Variants in KCNQ1OT1 observed in about 807,000 individuals in gnomAD.
The protein encoded by KCNQ1OT1 is KCNQ1 opposite strand/antisense transcript 1.
chr11:2,628,784 C>T, exon 1 of KCNQ1OT1: 1 of 398,380 alleles, frequency 2.5e-6, no homozygotes, highest in East Asian at 3.6e-5. Flanking sequence ...ATCTTATTCA[C>T]TTTTCTCTAC....
exon 1 of KCNQ1OT1, chr11:2,609,398 T>G (rs1201568041): frequency 2.5e-6 from 1 of 398,370 alleles, no homozygotes; most frequent in Non-Finnish European, 4.4e-6. Flanking sequence ...TTGTATTATT[T>G]CAATCCTTTT....
Position 2,699,302 on chromosome 11 carries a change from G to A in KCNQ1OT1, n.693C>T, listed in dbSNP as rs528636707. 3.8e-4 allele frequency: 151 copies of A among 399,002 alleles called. No homozygotes were observed. Among genetic ancestry groups the A allele is most frequent in the African/African-American group, 2.6e-3 (128 of 48,760 alleles). 24.7% of individuals were successfully genotyped at this position (399,002 alleles called of 1,614,324 possible). A position where few individuals can be genotyped will look rare whatever the true frequency, so the allele number is the denominator to read the frequency against. ...CTGCACTGCTGACGCCTGTGATCTGGGACGGCCGCGGGGCACACAGCTCAC... is the reference window on the plus strand; with the variant it reads ...CTGCACTGCTGACGCCTGTGATCTGAGACGGCCGCGGGGCACACAGCTCAC... On this transcript the variant is annotated non_coding_transcript_exon_variant, in exon 1 of 1. Coordinates refer to ENST00000597346, the Ensembl canonical transcript of KCNQ1OT1.
At chr11:2,686,891 G>A (rs1246607970) in exon 1 of KCNQ1OT1, 7 of 398,582 alleles carry the variant, frequency 1.8e-5, no homozygotes, top group African/African-American at 1.4e-4. Context: ...TGACCAGCCT[G>A]AAGATAGAGG....
chr11:2,698,385 A>G lies in KCNQ1OT1; in HGVS notation n.1610T>C. On this transcript the variant is annotated non_coding_transcript_exon_variant, in exon 1 of 1. Transcript: ENST00000597346. This position sits in a 1 kb window ranked among gnomAD's most constrained non-coding sequence, Gnocchi z 5.1. ...GCTATTTGACCTGCTCAGGGACCAC[A>G]GTGGGGTACTGGGATCTGAACATAG... is the stretch of plus-strand genomic sequence containing the variant. The G allele has an allele frequency of 2.5e-6, 1 of 398,590 alleles. No homozygotes were observed. Among genetic ancestry groups the G allele is most frequent in the Non-Finnish European group, 4.4e-6 (1 of 226,060 alleles). The allele number at this position is 398,590 out of a possible 1,614,324, so 24.7% of individuals were successfully genotyped here.
At chr11:2,635,133 C>T (rs1849439243) in exon 1 of KCNQ1OT1, 1 of 152,160 alleles carries the variant, frequency 6.6e-6, no homozygotes, top group Non-Finnish European at 1.5e-5. Flanking sequence ...CTGTAGGTTG[C>T]CTATTCACTC....
At position 2,658,925 on chromosome 11, in the gene KCNQ1OT1, C is replaced by T. The variant is rs768748938; in HGVS notation, n.41070G>A. The stretch of plus-strand genomic sequence containing the variant: ...AGTACCCTATGTGAAGCAAATTTAC[C>T]TACTAGATTAGAGTGTTTAGGACAG... On this transcript the variant is annotated non_coding_transcript_exon_variant, in exon 1 of 1. Transcript: ENST00000597346. This position sits in a 1 kb window ranked among gnomAD's most constrained non-coding sequence, Gnocchi z 4.9. 2 of 398,474 alleles carry T rather than the reference C, an allele frequency of 5.0e-6. No homozygotes were observed. The highest frequency in any genetic ancestry group is 8.8e-6 in the Non-Finnish European group (2 of 226,026). 24.7% of individuals were successfully genotyped at this position (398,474 alleles called of 1,614,324 possible). A position where few individuals can be genotyped will look rare whatever the true frequency, so the allele number is the denominator to read the frequency against.
chr11:2,667,602 G>T (rs536625418), exon 1 of KCNQ1OT1: 3 of 398,438 alleles, frequency 7.5e-6, no homozygotes, highest in Non-Finnish European at 1.3e-5. Context: ...TGGGCGGGGG[G>T]CACATCCCAT....
At position 2,640,524 on chromosome 11, in the gene KCNQ1OT1, G is replaced by T. The variant is rs184504881; in HGVS notation, n.59471C>A. On this transcript the variant is annotated non_coding_transcript_exon_variant, in exon 1 of 1. Coordinates refer to ENST00000597346, the Ensembl canonical transcript of KCNQ1OT1. Reference sequence around the variant, plus strand: ...TGGTCTTGAATTCCTGGGCTCAAGCGATCCTTCTGCCTTGGCCCCCCAAAG... The same window carrying T: ...TGGTCTTGAATTCCTGGGCTCAAGCTATCCTTCTGCCTTGGCCCCCCAAAG... The T allele has an allele frequency of 2.3e-5, 9 of 397,144 alleles. No individual in the cohort carries two copies. The South Asian group carries it at 3.9e-4, about 17-fold the overall frequency. The allele number at this position is 397,144 out of a possible 1,614,324, so 24.6% of individuals were successfully genotyped here. A position where few individuals can be genotyped will look rare whatever the true frequency, so the allele number is the denominator to read the frequency against.
rs1420847717 is a variant in KCNQ1OT1 at position 2,661,268 on chromosome 11, A to T, written n.38727T>A. The T allele has an allele frequency of 2.5e-6, 1 of 399,114 alleles. No individual in the cohort carries two copies. Among genetic ancestry groups the T allele is most frequent in the Admixed American group, 4.4e-5 (1 of 22,804 alleles). The allele number at this position is 399,114 out of a possible 1,614,324, so 24.7% of individuals were successfully genotyped here. ...GCAATAAAATATTTAAATGAAGACA[A>T]ATATAAGCCAAGAGCAAATACTGAT... On this transcript the variant is annotated non_coding_transcript_exon_variant, in exon 1 of 1. Coordinates refer to ENST00000597346, the Ensembl canonical transcript of KCNQ1OT1. This position sits in a 1 kb window ranked among gnomAD's most constrained non-coding sequence, Gnocchi z 5.9.
Position 2,663,016 on chromosome 11 carries a change from C to T in KCNQ1OT1, n.36979G>A, listed in dbSNP as rs1344593244. On this transcript the variant is annotated non_coding_transcript_exon_variant, in exon 1 of 1. Transcript: ENST00000597346. This position sits in a 1 kb window ranked among gnomAD's most constrained non-coding sequence, Gnocchi z 5.2. ...TGGCCTTGCAAATCACTGAGGAAAT[C>T]GGGACCCATGGTGCTGGGGGCTGCA... 20 of 398,602 alleles carry T rather than the reference C, an allele frequency of 5.0e-5. No homozygotes were observed. The highest frequency in any genetic ancestry group is 2.1e-4 in the East Asian group (6 of 28,076). 24.7% of individuals were successfully genotyped at this position (398,602 alleles called of 1,614,324 possible).
chr11:2,676,714 A>G lies in KCNQ1OT1; in HGVS notation n.23281T>C, dbSNP rs951352555. ...GACTACAGCCTGGCAGGAGATAACC[A>G]AGTCATATGCATAGTGGCTTTGGGT... is the stretch of plus-strand genomic sequence containing the variant. On this transcript the variant is annotated non_coding_transcript_exon_variant, in exon 1 of 1. Coordinates refer to ENST00000597346, the Ensembl canonical transcript of KCNQ1OT1. The surrounding 1 kb of genome is among the most constrained non-coding windows in gnomAD (Gnocchi z 4.2). The G allele has an allele frequency of 5.0e-6, 2 of 398,554 alleles. No individual in the cohort carries two copies. Among genetic ancestry groups the G allele is most frequent in the African/African-American group, 2.1e-5 (1 of 48,622 alleles). The allele number at this position is 398,554 out of a possible 1,614,324, so 24.7% of individuals were successfully genotyped here.
exon 1 of KCNQ1OT1, chr11:2,615,076 G>T: frequency 2.5e-6 from 1 of 398,264 alleles, no homozygotes. Flanking sequence ...TTTGTCAACA[G>T]TGTTTTGTAG....
rs751194925 is a variant in KCNQ1OT1 at position 2,663,158 on chromosome 11, G to GC, written n.36836dup. 3.0e-5 allele frequency: 12 copies of GC among 398,644 alleles called. No individual in the cohort carries two copies. Among genetic ancestry groups the GC allele is most frequent in the South Asian group, 1.3e-4 (1 of 7,856 alleles). 24.7% of individuals were successfully genotyped at this position (398,644 alleles called of 1,614,324 possible). On this transcript the variant is annotated non_coding_transcript_exon_variant, in exon 1 of 1. Transcript: ENST00000597346. This position sits in a 1 kb window ranked among gnomAD's most constrained non-coding sequence, Gnocchi z 5.2. ...CAGGACCTGCCCACTGTCTTTCCAG[G>GC]CCCCCCCAGTTCACAGAGAGGTTGG...
In KCNQ1OT1 at chr11:2,645,960, G is replaced by A. The variant is rs558037745; in HGVS notation, n.54035C>T. 35 of 398,628 alleles carry A rather than the reference G, an allele frequency of 8.8e-5. No homozygotes were observed. The highest frequency in any genetic ancestry group is 6.8e-4 in the African/African-American group (33 of 48,706). 24.7% of individuals were successfully genotyped at this position (398,628 alleles called of 1,614,324 possible). Reference sequence around the variant, plus strand: ...AGTCTCAAGGCATCTATGGGTCAGGGGGTTCTCTGACTAGGATTTCAGGAG... The same window carrying A: ...AGTCTCAAGGCATCTATGGGTCAGGAGGTTCTCTGACTAGGATTTCAGGAG... On this transcript the variant is annotated non_coding_transcript_exon_variant, in exon 1 of 1. Transcript: ENST00000597346. The surrounding 1 kb of genome is among the most constrained non-coding windows in gnomAD (Gnocchi z 5.8).
At position 2,660,092 on chromosome 11, in the gene KCNQ1OT1, G is replaced by A. The variant is rs933931719; in HGVS notation, n.39903C>T. The A allele has an allele frequency of 4.3e-5, 17 of 392,936 alleles. No individual in the cohort carries two copies. In the Admixed American group the frequency reaches 6.7e-4, roughly 15 times the overall value. The allele number at this position is 392,936 out of a possible 1,614,324, so 24.3% of individuals were successfully genotyped here. On this transcript the variant is annotated non_coding_transcript_exon_variant, in exon 1 of 1. Coordinates refer to ENST00000597346, the Ensembl canonical transcript of KCNQ1OT1. ...TTTTCTCTTACGAGTTAAACTTTTG[G>A]TTTCGTATTTCAGAATTCACTGCCA...
chr11:2,624,881 C>G lies in KCNQ1OT1; in HGVS notation n.75114G>C. On this transcript the variant is annotated non_coding_transcript_exon_variant, in exon 1 of 1. Transcript: ENST00000597346. The surrounding 1 kb of genome is among the most constrained non-coding windows in gnomAD (Gnocchi z 4.9). ...GCTGTATTTCATTTAACATAATGGC[C>G]TCGAGGTTCATCCATGTTGTGGCAT... 2 of 398,460 alleles carry G rather than the reference C, an allele frequency of 5.0e-6. No homozygotes were observed. Among genetic ancestry groups the G allele is most frequent in the Non-Finnish European group, 8.8e-6 (2 of 226,062 alleles). 24.7% of individuals were successfully genotyped at this position (398,460 alleles called of 1,614,324 possible).
Position 2,611,893 on chromosome 11 carries a change from G to A in KCNQ1OT1, n.88102C>T, listed in dbSNP as rs187531587. 595 of 398,376 alleles carry A rather than the reference G, an allele frequency of 1.5e-3. 2 individuals carry two copies. The highest frequency in any genetic ancestry group is 0.01 in the African/African-American group (487 of 48,686). The allele number at this position is 398,376 out of a possible 1,614,324, so 24.7% of individuals were successfully genotyped here. On this transcript the variant is annotated non_coding_transcript_exon_variant, in exon 1 of 1. Transcript: ENST00000597346. The surrounding 1 kb of genome is among the most constrained non-coding windows in gnomAD (Gnocchi z 5.3). ...CCCCATTTTTAAAGTGTAATCTGGAGGTTACAATAAGCAGCTTAAGCAAAA... is the reference window on the plus strand; with the variant it reads ...CCCCATTTTTAAAGTGTAATCTGGAAGTTACAATAAGCAGCTTAAGCAAAA...
chr11:2,683,029 G>C lies in KCNQ1OT1; in HGVS notation n.16966C>G, dbSNP rs1850424520. ...GCCTTAGTTCTGCCTCCTGAGAGAGGTGACCTTCTCCCACTTCTTACAGGC... is the reference window on the plus strand; with the variant it reads ...GCCTTAGTTCTGCCTCCTGAGAGAGCTGACCTTCTCCCACTTCTTACAGGC... On this transcript the variant is annotated non_coding_transcript_exon_variant, in exon 1 of 1. Coordinates refer to ENST00000597346, the Ensembl canonical transcript of KCNQ1OT1. This position sits in a 1 kb window ranked among gnomAD's most constrained non-coding sequence, Gnocchi z 4.7. The C allele has an allele frequency of 7.5e-6, 3 of 398,562 alleles. No individual in the cohort carries two copies. Among genetic ancestry groups the C allele is most frequent in the African/African-American group, 4.1e-5 (2 of 48,624 alleles). The allele number at this position is 398,562 out of a possible 1,614,324, so 24.7% of individuals were successfully genotyped here.
exon 1 of KCNQ1OT1, chr11:2,614,199 C>T: frequency 7.5e-6 from 3 of 398,558 alleles, no homozygotes; most frequent in Non-Finnish European, 1.3e-5. Context: ...AGGGTGCCAC[C>T]TCAAATCTTA....
Sources: allele counts gnomAD v4.1 joint callset, GRCh38; gene constraint gnomAD v4.1.1; non-coding constraint Gnocchi (gnomAD v3.1); transcripts MANE v1.5; gene names NCBI Gene and HGNC (gene_info 2026-07-23, HGNC 2026-07-21).